The following EXOC4 variants were observed in gnomAD, a reference collection of about 807,000 sequenced individuals.
The protein encoded by EXOC4 is exocyst complex component 4.
A neutral mutation model predicts 107.2 loss-of-function variants in EXOC4; 71 were observed. That is an observed-to-expected ratio of 0.66 (90% confidence interval 0.55 to 0.81). The LOEUF is 0.81. Ranked by LOEUF, EXOC4 falls within the 30% of genes least tolerant of loss-of-function variation. EXOC4 has a pLI of 0.00. For synonymous variants in EXOC4, 456 were observed against 441.2 expected (o/e 1.03, Z -0.42); for missense variants, 1,108 against 1,189.6 (o/e 0.93, Z 1.01).
At chr7:134,072,231 T>C in the EXOC4 span, among the ~76,000 whole-genome samples, 2 of 152,228 alleles carry the variant, frequency 1.3e-5, no homozygotes, top group Non-Finnish European at 2.9e-5. Flanking sequence ...TATCTTTTCC[T>C]TCTATCTATC....
At chr7:133,637,931 A>G (rs1168883025) in intron 10 of EXOC4, among the ~76,000 whole-genome samples, 2 of 152,130 alleles carry the variant, frequency 1.3e-5, no homozygotes, top group Non-Finnish European at 2.9e-5. Context: ...CAAGATATCA[A>G]CCCATGTATC....
At chr7:133,902,832 C>A (rs926319565) in intron 12 of EXOC4, among the ~76,000 whole-genome samples, 1 of 149,312 alleles carries the variant, frequency 6.7e-6, no homozygotes, top group East Asian at 2.0e-4. Context: ...TCCAGCCTGG[C>A]GACAGAATGA....
At chr7:133,362,530 A>G (rs1312005646) in intron 6 of EXOC4, among the ~76,000 whole-genome samples, 2 of 152,178 alleles carry the variant, frequency 1.3e-5, no homozygotes, top group African/African-American at 4.8e-5. Context: ...AAGACTATAG[A>G]TTTTCAGAAA....
chr7:133,965,915 C>T (rs1801055516), intron 14 of EXOC4, among the ~76,000 whole-genome samples: 1 of 152,156 alleles, frequency 6.6e-6, no homozygotes, highest in African/African-American at 2.4e-5. Flanking sequence ...TTACTTTGGG[C>T]AGTATGGCCA....
intron 10 of EXOC4, among the ~76,000 whole-genome samples, chr7:133,731,485 A>T (rs775236081): frequency 3.9e-5 from 6 of 152,192 alleles, no homozygotes; most frequent in Non-Finnish European, 8.8e-5. Flanking sequence ...TAACTTGTAG[A>T]ACTACTAGAC....
intron 14 of EXOC4, among the ~76,000 whole-genome samples, chr7:133,964,606 G>T (rs1407589607): frequency 6.6e-6 from 1 of 152,150 alleles, no homozygotes; most frequent in Non-Finnish European, 1.5e-5. Flanking sequence ...GTGTTAGTTT[G>T]CTGAGAGTGA....
At position 133,472,036 on chromosome 7, in the gene EXOC4, A is replaced by G. The variant is rs112945301; in HGVS notation, c.1183-3292A>G. ...TTATTTAGGAGAGAAGGTAATCCAG[A>G]TTAGGCCTTCTAGAAATGAGAATGC... On this transcript the variant is annotated intron_variant, in intron 7 of 17. Transcript: ENST00000253861. Among the ~76,000 whole-genome samples, 551 of 152,318 alleles carry G rather than the reference A, an allele frequency of 3.6e-3. 5 individuals carry two copies. The highest frequency in any genetic ancestry group is 0.012 in the African/African-American group (514 of 41,562).
intron 9 of EXOC4, among the ~76,000 whole-genome samples, chr7:133,612,896 C>G (rs1158052821): frequency 6.6e-6 from 1 of 152,198 alleles, no homozygotes; most frequent in Non-Finnish European, 1.5e-5. Context: ...GGACCTTGTA[C>G]TGTACCTGTA....
rs145489583 is a variant in EXOC4, at chr7:133,384,266, G to C, written c.1182+9264G>C. On this transcript the variant is annotated intron_variant, in intron 7 of 17. Coordinates refer to ENST00000253861, the MANE Select transcript of EXOC4 (RefSeq NM_021807.4). ...CCAGAATAGGTTGATCTGGTAGGAA[G>C]GCTGTTCTCCTTAAATTTTCACATA... Among the ~76,000 whole-genome samples, 183 of 152,290 alleles carry C rather than the reference G, an allele frequency of 1.2e-3. 1 individual carries two copies. The highest frequency in any genetic ancestry group is 1.6e-3 in the Non-Finnish European group (111 of 68,004).
chr7:133,587,968 A>T (rs896336890), intron 9 of EXOC4, among the ~76,000 whole-genome samples: 5 of 152,226 alleles, frequency 3.3e-5, no homozygotes, highest in Non-Finnish European at 5.9e-5. Context: ...CACAAAAAAC[A>T]TGGTGCCTGA....
At chr7:134,054,570 A>G (rs1563106592) in intron 17 of EXOC4, among the ~76,000 whole-genome samples, 1 of 152,140 alleles carries the variant, frequency 6.6e-6, no homozygotes, top group African/African-American at 2.4e-5. Context: ...TAATGAAGGT[A>G]TTAAGTGAGA....
intron 9 of EXOC4, among the ~76,000 whole-genome samples, chr7:133,614,268 A>T (rs764315670): frequency 3.9e-5 from 6 of 152,162 alleles, no homozygotes; most frequent in Non-Finnish European, 7.3e-5. Flanking sequence ...TATGATTGGG[A>T]CTGCCCTTAT....
At chr7:133,671,506 G>T (rs931772881) in intron 10 of EXOC4, among the ~76,000 whole-genome samples, 1 of 152,148 alleles carries the variant, frequency 6.6e-6, no homozygotes, top group Admixed American at 6.5e-5. Context: ...GTCAGAGGTT[G>T]CAGTGAGCCA....
intron 14 of EXOC4, among the ~76,000 whole-genome samples, chr7:133,971,361 T>TATATATATATAGAGAGAGAG (rs1489958236): frequency 1.3e-5 from 1 of 75,078 alleles, no homozygotes; most frequent in East Asian, 4.7e-4. Flanking sequence ...TATATATATA[T>TATATATATATAGAGAGAGAG]AGAGAGAGAG....
intron 12 of EXOC4, among the ~76,000 whole-genome samples, chr7:133,909,039 C>T (rs185667088): frequency 2.6e-5 from 4 of 152,228 alleles, no homozygotes; most frequent in East Asian, 3.9e-4. Context: ...TCCATGTGTC[C>T]ATGTGTTCTC....
Position 133,954,326 on chromosome 7 carries a change from A to G in EXOC4, c.2206+16257A>G, listed in dbSNP as rs551019000. Among the ~76,000 whole-genome samples, 16 of 152,368 alleles carry G rather than the reference A, an allele frequency of 1.1e-4. No individual in the cohort carries two copies. In the South Asian group the frequency reaches 2.9e-3, roughly 28 times the overall value. On this transcript the variant is annotated intron_variant, in intron 14 of 17. Coordinates refer to ENST00000253861, the MANE Select transcript of EXOC4 (RefSeq NM_021807.4). ...TTTGGAATACGGATTTACATCTACA[A>G]TTATTAACATGAACCTTGCTCTAAG...
At chr7:133,645,822 CA>C (rs1193192863) in intron 10 of EXOC4, among the ~76,000 whole-genome samples, 1 of 152,128 alleles carries the variant, frequency 6.6e-6, no homozygotes, top group Non-Finnish European at 1.5e-5. Context: ...TATGCACTTC[CA>C]AATGTATTTT....
intron 10 of EXOC4, among the ~76,000 whole-genome samples, chr7:133,647,782 G>T (rs1225102439): frequency 6.6e-6 from 1 of 152,054 alleles, no homozygotes; most frequent in African/African-American, 2.4e-5. Context: ...AGATAATCCA[G>T]TTTGACTCTG....
intron 9 of EXOC4, among the ~76,000 whole-genome samples, chr7:133,503,403 G>A (rs545314910): frequency 4.6e-5 from 7 of 152,244 alleles, no homozygotes; most frequent in African/African-American, 1.7e-4. Context: ...CTCTGGTTTA[G>A]GAACATGATC....
Sources: gnomAD v4.1 joint callset for allele counts (sites outside exome capture counted in the v4.1 genomes callset) on GRCh38, gnomAD v4.1.1 for gene constraint, MANE v1.5 for transcripts, NCBI Gene and HGNC (gene_info 2026-07-23, HGNC 2026-07-21) for gene names.